Variants in MAN2C1 observed in about 807,000 individuals in gnomAD.
MAN2C1 encodes the protein mannosidase alpha class 2C member 1.
A neutral mutation model predicts 126.9 loss-of-function variants in MAN2C1; 111 were observed. The observed-to-expected ratio is 0.87, with a 90% CI of 0.75 to 1.02. The LOEUF (loss-of-function observed/expected upper bound fraction) is 1.02, where lower values mean the gene tolerates loss of function less well. Among genes scored for constraint, MAN2C1 ranks in the 50% least tolerant of loss-of-function variants. The probability of loss-of-function intolerance (pLI) is 0.00; values close to 1 mark genes in which losing one functional copy is unlikely to be tolerated. For missense variants in MAN2C1, 1,363 were observed against 1,364.4 expected (o/e 1.00, Z 0.02); for synonymous variants, 567 against 561.5 (o/e 1.01, Z -0.14).
rs1364101544 is a variant in MAN2C1 at position 75,362,121 on chromosome 15, G to A, written c.1009-174C>T. 1 of 662,620 alleles carries A rather than the reference G, an allele frequency of 1.5e-6. No homozygotes were observed. The highest frequency in any genetic ancestry group is 2.6e-6 in the Non-Finnish European group (1 of 380,158). 41.0% of individuals were successfully genotyped at this position (662,620 alleles called of 1,614,324 possible). ...AGGCCTGACTGTCCATCTGCCTGAGGGGGTGCCCAGGACTAGGCCATGCAA... is the reference window on the plus strand; with the variant it reads ...AGGCCTGACTGTCCATCTGCCTGAGAGGGTGCCCAGGACTAGGCCATGCAA... On this transcript the variant is annotated intron_variant, in intron 8 of 25. Coordinates refer to ENST00000267978, the MANE Select transcript of MAN2C1 (RefSeq NM_006715.4). The surrounding 1 kb of genome is among the most constrained non-coding windows in gnomAD (Gnocchi z 4.5).
At position 75,364,192 on chromosome 15, in the gene MAN2C1, C is replaced by A. The variant is rs1303336665; in HGVS notation, c.601-4G>T. The A allele has an allele frequency of 1.2e-6, 2 of 1,608,052 alleles. No homozygotes were observed. Among genetic ancestry groups the A allele is most frequent in the African/African-American group, 2.7e-5 (2 of 74,646 alleles). On this transcript the variant is annotated splice_polypyrimidine_tract_variant and splice_region_variant and intron_variant, in intron 5 of 25. Transcript: ENST00000267978. ...GCTGGTTGTCCTTCCCGAGGCCCTG[C>A]AGCAGGGTTCTGCCCCTTAATCCCT...
At chr15:75,359,224 C>A in intron 17 of MAN2C1, 71 bp from the exon 18 acceptor site, 2 of 1,593,550 alleles carry the variant, frequency 1.3e-6, no homozygotes, top group East Asian at 2.3e-5. Flanking sequence ...CACCCCAACC[C>A]CAGCCCCGCC....
intron 13 of MAN2C1, 66 bp downstream of exon 13, chr15:75,360,499 C>T (rs1295492315): frequency 6.3e-7 from 1 of 1,590,636 alleles, no homozygotes. Flanking sequence ...TCCCCTGCTG[C>T]CTTCTCTGAC....
Position 75,361,650 on chromosome 15 carries a change from CGCCTGAT to C in MAN2C1, c.1165_1171del (p.Ile389AlafsTer7). On this transcript the variant is annotated frameshift_variant, in exon 10 of 26. Coordinates refer to ENST00000267978, the MANE Select transcript of MAN2C1 (RefSeq NM_006715.4). LOFTEE classifies it high-confidence loss of function. The surrounding 1 kb of genome is among the most constrained non-coding windows in gnomAD (Gnocchi z 5.0). ...CCAGCTCAATTTCTGGGTGAGAAAG[CGCCTGAT>C]GCCACAGCCGTGCATGATCTGGGGG... 6.2e-7 allele frequency: 1 copy of C among 1,613,984 alleles called. No individual in the cohort carries two copies. Among genetic ancestry groups the C allele is most frequent in the Non-Finnish European group, 8.5e-7 (1 of 1,180,018 alleles).
chr15:75,364,716 G>C (rs772723060), intron 4 of MAN2C1, 51 bp from the exon 5 acceptor site: 18 of 1,483,374 alleles, frequency 1.2e-5, no homozygotes, highest in Non-Finnish European at 1.6e-5. Context: ...ACAGTACTCC[G>C]GGGACTTGGG....
Position 75,361,336 on chromosome 15 carries a change from C to G in MAN2C1, c.1264G>C (p.Val422Leu). Residue 422 changes from valine (V) to leucine (L), a missense_variant, in exon 11 of 26, where the codon GTC (valine) becomes CTC (leucine). Val to Leu is a conservative substitution (Grantham distance 32). Around this residue, in one of 3 missense-constraint regions of MAN2C1, gnomAD observed 628 missense variants for 609.8 expected, o/e 1.03. Transcript: ENST00000267978. The surrounding 1 kb of genome is among the most constrained non-coding windows in gnomAD (Gnocchi z 5.0). Reference protein sequence around the residue: ...WEGLDGSRVLVHFPPGDSYGM... With the variant: ...WEGLDGSRVLLHFPPGDSYGM... ...TAGGAGTCGCCAGGTGGGAAGTGGACCAGTACACGGGAGCCATCCAGGCCC... is the reference window on the plus strand; with the variant it reads ...TAGGAGTCGCCAGGTGGGAAGTGGAGCAGTACACGGGAGCCATCCAGGCCC... 6.4e-7 allele frequency: 1 copy of G among 1,568,036 alleles called. No homozygotes were observed. Among genetic ancestry groups the G allele is most frequent in the Non-Finnish European group, 8.7e-7 (1 of 1,155,966 alleles).
At chr15:75,363,100 A>G in intron 6 of MAN2C1, 1 of 436,032 alleles carries the variant, frequency 2.3e-6, no homozygotes, top group South Asian at 1.7e-5. Context: ...CTGGGAACAG[A>G]GGCATGGCTC....
Position 75,361,960 on chromosome 15 carries a change from G to A in MAN2C1, c.1009-13C>T. On this transcript the variant is annotated splice_polypyrimidine_tract_variant and intron_variant, in intron 8 of 25. Transcript: ENST00000267978. The surrounding 1 kb of genome is among the most constrained non-coding windows in gnomAD (Gnocchi z 5.0). ...GCAGGTTCCCATCCTGGCAGTGAAG[G>A]AAGTGGGAGGCAGCCCAGGTCAGCG... The A allele has an allele frequency of 3.1e-6, 5 of 1,605,344 alleles. No homozygotes were observed. Among genetic ancestry groups the A allele is most frequent in the Non-Finnish European group, 4.3e-6 (5 of 1,172,244 alleles).
At position 75,367,614 on chromosome 15, in the gene MAN2C1, C is replaced by T. The variant is rs1420402264; in HGVS notation, c.248G>A (p.Arg83Gln). ...TGCCTCTGGGATGGTCAGCTCCACC[C>T]GGAACCAGCAGGTCCACCATCTGCA... ...FGPTWWTCWF[R>Q]VELTIPEAWV... Residue 83 changes from arginine (R) to glutamine (Q), a missense_variant, in exon 3 of 26, where the codon CGG becomes CAG. Around this residue, in one of 3 missense-constraint regions of MAN2C1, gnomAD observed 628 missense variants for 609.8 expected, o/e 1.03. Coordinates refer to ENST00000267978, the MANE Select transcript of MAN2C1 (RefSeq NM_006715.4). 1 of 1,614,180 alleles carries T rather than the reference C, an allele frequency of 6.2e-7. No homozygotes were observed. The highest frequency in any genetic ancestry group is 8.5e-7 in the Non-Finnish European group (1 of 1,180,024).
In MAN2C1 at chr15:75,361,671, A is replaced by C; in HGVS notation, c.1151T>G (p.Met384Arg). 6.2e-7 allele frequency: 1 copy of C among 1,614,022 alleles called. No individual in the cohort carries two copies. The change falls in exon 10 of 26, where the codon ATG becomes AGG. Residue 384 changes from methionine to arginine, a missense_variant. This residue lies in a region of MAN2C1 where 628 missense variants were observed against 609.8 expected (regional missense o/e 1.03). Transcript: ENST00000267978. The surrounding 1 kb of genome is among the most constrained non-coding windows in gnomAD (Gnocchi z 5.0). ...AAAGCGCCTGATGCCACAGCCGTGC[A>C]TGATCTGGGGGAGCTGTGCTGAGTA... Reference protein sequence around the residue: ...FGYSAQLPQIMHGCGIRRFLT... With the variant: ...FGYSAQLPQIRHGCGIRRFLT...
intron 19 of MAN2C1, 22 bp downstream of exon 19, chr15:75,358,682 C>CCACATGCTGCCCAGCCCATAT: frequency 2.7e-6 from 4 of 1,483,688 alleles, no homozygotes; most frequent in Non-Finnish European, 3.6e-6. Flanking sequence ...TCCACCATCC[C>CCACATGCTGCCCAGCCCATAT]CACATGCTGC....
chr15:75,356,707 G>A lies in MAN2C1; in HGVS notation c.2658-22C>T, dbSNP rs1223026262. 6.2e-7 allele frequency: 1 copy of A among 1,610,010 alleles called. No homozygotes were observed. Among genetic ancestry groups the A allele is most frequent in the Admixed American group, 1.7e-5 (1 of 59,382 alleles). On this transcript the variant is annotated intron_variant, in intron 22 of 25. Coordinates refer to ENST00000267978, the MANE Select transcript of MAN2C1 (RefSeq NM_006715.4). The surrounding 1 kb of genome is among the most constrained non-coding windows in gnomAD (Gnocchi z 5.8). ...CAAGCTGGGGTGAGGAGGGCGCGTA[G>A]GGGCCACGCTGAAGCTGTTGGAGTT... is the stretch of plus-strand genomic sequence containing the variant.
rs1220934867 is a variant in MAN2C1 at position 75,364,663 on chromosome 15, A to C, written c.425T>G (p.Leu142Arg). ...GCAGGCTACTTCCACATAGAGAGTG[A>C]GGCTACAAAGATGGGGAGACAGCCT... ...DRLGERDPRS[L>R]TLYVEVACNG... is the part of the protein sequence containing the mutation. The change falls in exon 5 of 26, where the codon CTC becomes CGC. Residue 142 changes from leucine to arginine, a missense_variant and splice_region_variant. Leu to Arg is a moderately radical substitution (Grantham distance 102, BLOSUM62 -2). This residue lies in a region of MAN2C1 where 628 missense variants were observed against 609.8 expected (regional missense o/e 1.03). Coordinates refer to ENST00000267978, the MANE Select transcript of MAN2C1 (RefSeq NM_006715.4). 11 of 1,607,680 alleles carry C rather than the reference A, an allele frequency of 6.8e-6. No individual in the cohort carries two copies. The highest frequency in any genetic ancestry group is 9.4e-6 in the Non-Finnish European group (11 of 1,176,302).
Position 75,355,812 on chromosome 15 carries a change from T to C in MAN2C1, c.*94A>G. On this transcript the variant is annotated 3_prime_UTR_variant, in exon 26 of 26. Coordinates refer to ENST00000267978, the MANE Select transcript of MAN2C1 (RefSeq NM_006715.4). ...CAGGGTTCCCGATCCAAGGATTTAT[T>C]CCACAAGAAAAGACTGATCCCTGCT... 1 of 1,488,708 alleles carries C rather than the reference T, an allele frequency of 6.7e-7. No homozygotes were observed. Among genetic ancestry groups the C allele is most frequent in the Non-Finnish European group, 9.2e-7 (1 of 1,086,922 alleles). 92.2% of individuals were successfully genotyped at this position (1,488,708 alleles called of 1,614,324 possible).
Position 75,361,552 on chromosome 15 carries a change from C to T in MAN2C1, c.1218+52G>A. The T allele has an allele frequency of 6.9e-7, 1 of 1,440,590 alleles. No homozygotes were observed. The allele number at this position is 1,440,590 out of a possible 1,614,324, so 89.2% of individuals were successfully genotyped here. On this transcript the variant is annotated intron_variant, in intron 10 of 25. Coordinates refer to ENST00000267978, the MANE Select transcript of MAN2C1 (RefSeq NM_006715.4). This position sits in a 1 kb window ranked among gnomAD's most constrained non-coding sequence, Gnocchi z 5.0. ...ACAATAAGGGGGAGAGGCAAATGGG[C>T]CAGGCGGGACTGAGGCCCACTCTGA...
In MAN2C1 at chr15:75,359,600, C is replaced by T; in HGVS notation, c.1948+20G>A. 6.2e-7 allele frequency: 1 copy of T among 1,612,202 alleles called. No homozygotes were observed. The highest frequency in any genetic ancestry group is 1.1e-5 in the South Asian group (1 of 90,872). ...TCCATCCTTCCTGCTGCAGTAGCAACCCTTCCCCTCAGCTCGTACCTAGGC... is the reference window on the plus strand; with the variant it reads ...TCCATCCTTCCTGCTGCAGTAGCAATCCTTCCCCTCAGCTCGTACCTAGGC... On this transcript the variant is annotated intron_variant, in intron 16 of 25. Coordinates refer to ENST00000267978, the MANE Select transcript of MAN2C1 (RefSeq NM_006715.4).
chr15:75,358,270 A>G lies in MAN2C1; in HGVS notation c.2478T>C (p.Tyr826=), dbSNP rs773406733. 2.5e-6 allele frequency: 4 copies of G among 1,607,996 alleles called. No individual in the cohort carries two copies. The highest frequency in any genetic ancestry group is 2.7e-5 in the African/African-American group (2 of 74,792). Residue 826 remains tyrosine (Y), a synonymous_variant, in exon 21 of 26, where the codon TAT becomes TAC. Coordinates refer to ENST00000267978, the MANE Select transcript of MAN2C1 (RefSeq NM_006715.4). ...PARVRSSQAT[Y]EIQFGHLQRP... Reference sequence around the variant, plus strand: ...GCTGCAGGTGCCCAAACTGGATCTCATAGGTGGCCTGGGAACTCCGCACGC... The same window carrying G: ...GCTGCAGGTGCCCAAACTGGATCTCGTAGGTGGCCTGGGAACTCCGCACGC...
At position 75,360,228 on chromosome 15, in the gene MAN2C1, A is replaced by C. The variant is rs749830898; in HGVS notation, c.1585-17T>G. The C allele has an allele frequency of 1.7e-5, 27 of 1,605,118 alleles. No individual in the cohort carries two copies. In the South Asian group the frequency reaches 2.9e-4, roughly 17 times the overall value. Reference sequence around the variant, plus strand: ...CTTCTTGATCTGAGCCCAGGATGGGAAGATTAGTCTGGAGCCTGCTTAGCT... The same window carrying C: ...CTTCTTGATCTGAGCCCAGGATGGGCAGATTAGTCTGGAGCCTGCTTAGCT... On this transcript the variant is annotated splice_polypyrimidine_tract_variant and intron_variant, in intron 13 of 25. Transcript: ENST00000267978.
rs1567268567 is a variant in MAN2C1, at chr15:75,356,320, A to ACGAC, written c.2863_2866dup (p.Val956GlyfsTer24). The ACGAC allele has an allele frequency of 1.2e-6, 2 of 1,611,250 alleles. No homozygotes were observed. Among genetic ancestry groups the ACGAC allele is most frequent in the Non-Finnish European group, 8.5e-7 (1 of 1,179,244 alleles). On this transcript the variant is annotated frameshift_variant, in exon 24 of 26. Coordinates refer to ENST00000267978, the MANE Select transcript of MAN2C1 (RefSeq NM_006715.4). LOFTEE classifies it high-confidence loss of function. The surrounding 1 kb of genome is among the most constrained non-coding windows in gnomAD (Gnocchi z 5.8). ...CCTTGCCTGCTTGACGGTCTCCAAT[A>ACGAC]CGACCGCGGGTGAAGACACGGAAAA... is the stretch of plus-strand genomic sequence containing the variant.
Sources: gnomAD v4.1 joint callset for allele counts on GRCh38, gnomAD v4.1.1 for gene constraint, gnomAD v4.1.1 regional missense constraint, Gnocchi (gnomAD v3.1) non-coding constraint, MANE v1.5 for transcripts, NCBI Gene and HGNC (gene_info 2026-07-23, HGNC 2026-07-21) for gene names.